The following MAP3K20 variants were observed in gnomAD, a reference collection of about 807,000 sequenced individuals.
MAP3K20 encodes mitogen-activated protein kinase kinase kinase 20, also known as HCCS-4.
MAP3K20 carries 40 observed loss-of-function variants against 85.7 expected under a neutral mutation model. The observed-to-expected ratio is 0.47, with a 90% CI of 0.36 to 0.61. The LOEUF (loss-of-function observed/expected upper bound fraction) is 0.61, where lower values mean the gene tolerates loss of function less well. Ranked by LOEUF, MAP3K20 falls within the 20% of genes least tolerant of loss-of-function variation. The pLI, the probability that MAP3K20 is intolerant of heterozygous loss-of-function variation, is 0.00. For missense variants in MAP3K20, 817 were observed against 961.7 expected (o/e 0.85, Z 1.99); for synonymous variants, 325 against 327.7 (o/e 0.99, Z 0.09).
At chr2:173,208,254 CTGGCCATGG>C (rs1429993487) in intron 9 of MAP3K20, among the ~76,000 whole-genome samples, 2 of 152,010 alleles carry the variant, frequency 1.3e-5, no homozygotes, top group Non-Finnish European at 2.9e-5. Context: ...AAAAAATTAG[CTGGCCATGG>C]TGGCAAACAC....
chr2:173,088,582 G>A (rs573644133), intron 1 of MAP3K20, among the ~76,000 whole-genome samples: 1 of 152,292 alleles, frequency 6.6e-6, no homozygotes, highest in South Asian at 2.1e-4. Context: ...TATGGGGAAT[G>A]GGGAGACAGG....
intron 5 of MAP3K20, 107 bp from the exon 6 acceptor site, chr2:173,190,788 A>G: frequency 9.3e-7 from 1 of 1,073,756 alleles, no homozygotes. Context: ...TTCACCTTTC[A>G]TAATCCCATA....
intron 10 of MAP3K20, chr2:173,215,508 T>C (rs1341484655): frequency 6.6e-6 from 1 of 152,254 alleles, no homozygotes; most frequent in Non-Finnish European, 1.5e-5. Flanking sequence ...AAATTGCTGA[T>C]TCACTGCCTT....
chr2:173,161,968 T>C (rs1389798031), intron 2 of MAP3K20, among the ~76,000 whole-genome samples: 1 of 152,230 alleles, frequency 6.6e-6, no homozygotes, highest in Admixed American at 6.5e-5. Flanking sequence ...CAAATAAATA[T>C]TTTAAATTTC....
intron 11 of MAP3K20, among the ~76,000 whole-genome samples, chr2:173,218,498 C>A (rs1029142194): frequency 1.3e-5 from 2 of 152,176 alleles, no homozygotes; most frequent in African/African-American, 4.8e-5. Context: ...AGGGAAGTTT[C>A]CTGTTCTGGC....
chr2:173,242,435 C>CT (rs1278378670), intron 16 of MAP3K20, among the ~76,000 whole-genome samples: 1 of 151,510 alleles, frequency 6.6e-6, no homozygotes, highest in African/African-American at 2.4e-5. Context: ...TCCCAAAGTG[C>CT]GGGATTACAG....
intron 2 of MAP3K20, among the ~76,000 whole-genome samples, chr2:173,118,005 C>T (rs374300285): frequency 2.6e-5 from 4 of 152,258 alleles, no homozygotes; most frequent in East Asian, 1.9e-4. Flanking sequence ...AGGAGACTTA[C>T]CCCCAAGGGG....
chr2:173,184,972 T>C (rs1467673925), intron 4 of MAP3K20, among the ~76,000 whole-genome samples: 2 of 151,352 alleles, frequency 1.3e-5, no homozygotes, highest in Non-Finnish European at 2.9e-5. Context: ...CCAGGCACGG[T>C]GGCTCACGCC....
At chr2:173,135,473 G>A (rs886281853) in intron 2 of MAP3K20, among the ~76,000 whole-genome samples, 1 of 152,160 alleles carries the variant, frequency 6.6e-6, no homozygotes, top group Non-Finnish European at 1.5e-5. Context: ...AGGAAGATGT[G>A]GCTTAACAGA....
At chr2:173,243,967 G>A (rs1228262263) in intron 16 of MAP3K20, among the ~76,000 whole-genome samples, 1 of 152,194 alleles carries the variant, frequency 6.6e-6, no homozygotes, top group Non-Finnish European at 1.5e-5. Flanking sequence ...GCACAGAGAA[G>A]GATGAATTGG....
chr2:173,137,312 T>C (rs1036824070), intron 2 of MAP3K20, among the ~76,000 whole-genome samples: 1 of 152,242 alleles, frequency 6.6e-6, no homozygotes, highest in African/African-American at 2.4e-5. Flanking sequence ...ATAGTGATTA[T>C]GGCTTATTAG....
At chr2:173,225,084 A>G in intron 11 of MAP3K20, 10 of 985,148 alleles carry the variant, frequency 1.0e-5, no homozygotes, top group Non-Finnish European at 1.1e-5. Flanking sequence ...CTCACCTTTC[A>G]TCTTTTTTTC....
intron 16 of MAP3K20, among the ~76,000 whole-genome samples, chr2:173,256,912 G>C (rs535655634): frequency 4.6e-5 from 7 of 152,288 alleles, no homozygotes; most frequent in Non-Finnish European, 1.0e-4. Flanking sequence ...AGCACTTTGG[G>C]AGGCTGAAGT....
intron 7 of MAP3K20, among the ~76,000 whole-genome samples, chr2:173,191,398 C>G (rs1454081590): frequency 6.6e-6 from 1 of 152,118 alleles, no homozygotes; most frequent in East Asian, 1.9e-4. Flanking sequence ...GAAACCAACA[C>G]CACTTCCAAG....
intron 5 of MAP3K20, among the ~76,000 whole-genome samples, chr2:173,188,246 C>G (rs1251075553): frequency 2.0e-5 from 3 of 152,116 alleles, no homozygotes; most frequent in Non-Finnish European, 4.4e-5. Flanking sequence ...AAATAACTTG[C>G]AGGATTAGAC....
At chr2:173,143,789 AAAC>A (rs1187811155) in intron 2 of MAP3K20, among the ~76,000 whole-genome samples, 3 of 152,220 alleles carry the variant, frequency 2.0e-5, no homozygotes, top group African/African-American at 7.2e-5. Context: ...AAAATCTACA[AAAC>A]AAATACTAGG....
chr2:173,091,631 T>C (rs1687303056), intron 2 of MAP3K20, among the ~76,000 whole-genome samples: 1 of 152,228 alleles, frequency 6.6e-6, no homozygotes, highest in African/African-American at 2.4e-5. Flanking sequence ...CACTGTTTTT[T>C]TTAACTGAAA....
intron 11 of MAP3K20, chr2:173,222,734 T>G (rs1684284555): frequency 1.0e-6 from 1 of 985,326 alleles, no homozygotes; most frequent in East Asian, 1.1e-4. Flanking sequence ...ATATCAAGTT[T>G]AGCCTACCAG....
intron 2 of MAP3K20, among the ~76,000 whole-genome samples, chr2:173,130,243 T>C (rs1688569773): frequency 6.6e-6 from 1 of 152,224 alleles, no homozygotes; most frequent in African/African-American, 2.4e-5. Flanking sequence ...GTTGGTATTT[T>C]CATTCAATGA....
Sources: allele counts gnomAD v4.1 joint callset (sites outside exome capture counted in the v4.1 genomes callset), GRCh38; gene constraint gnomAD v4.1.1; transcripts MANE v1.5; gene names NCBI Gene and HGNC (gene_info 2026-07-23, HGNC 2026-07-21).